The following AGBL4 variants were observed in gnomAD, a reference collection of about 807,000 sequenced individuals.
AGBL4 encodes the protein AGBL carboxypeptidase 4, also known as cytosolic carboxypeptidase 6.
In AGBL4, 58 loss-of-function variants were observed where a neutral mutation model predicts 66.4. The observed-to-expected ratio is 0.87, with a 90% CI of 0.71 to 1.09. The LOEUF is 1.09. AGBL4 is among the 50% of genes least tolerant of loss of function. The pLI is 0.00. For missense variants in AGBL4, 579 were observed against 631.0 expected, an observed-to-expected ratio of 0.92 and a Z score of 0.88; for synonymous variants, 234 against 222.9, an observed-to-expected ratio of 1.05 and a Z score of -0.44.
chr1:49,652,761 A>G (rs1320558891), intron 3 of AGBL4, among the ~76,000 whole-genome samples: 1 of 152,174 alleles, frequency 6.6e-6, no homozygotes, highest in Non-Finnish European at 1.5e-5. Context: ...CTAACCAGGA[A>G]GAACCCCTCT....
intron 5 of AGBL4, among the ~76,000 whole-genome samples, chr1:48,963,588 G>A (rs942861870): frequency 4.0e-5 from 6 of 151,596 alleles, no homozygotes; most frequent in African/African-American, 1.2e-4. Flanking sequence ...TGATGTTCCT[G>A]GGGAACTCCC....
intron 9 of AGBL4, among the ~76,000 whole-genome samples, chr1:48,629,447 C>T (rs967345664): frequency 1.3e-5 from 2 of 152,170 alleles, no homozygotes; most frequent in African/African-American, 2.4e-5. Flanking sequence ...ACCTGGATTA[C>T]AGAACAGTTA....
At chr1:48,805,554 C>A (rs1443408379) in intron 6 of AGBL4, among the ~76,000 whole-genome samples, 12 of 152,104 alleles carry the variant, frequency 7.9e-5, no homozygotes, top group Non-Finnish European at 1.0e-4. Flanking sequence ...CTGAAGGTGG[C>A]ATGAAAGGTG....
At chr1:49,858,416 T>C (rs1646485929) in intron 1 of AGBL4, among the ~76,000 whole-genome samples, 1 of 152,126 alleles carries the variant, frequency 6.6e-6, no homozygotes, top group Non-Finnish European at 1.5e-5. Flanking sequence ...ATCAATGATA[T>C]ATTTATATAT....
chr1:49,309,594 T>C (rs966083800), intron 3 of AGBL4, among the ~76,000 whole-genome samples: 10 of 152,090 alleles, frequency 6.6e-5, no homozygotes, highest in African/African-American at 2.4e-4. Flanking sequence ...CATGTTTTAA[T>C]GGTCCTATTA....
intron 2 of AGBL4, among the ~76,000 whole-genome samples, chr1:49,748,785 G>T (rs191143176): frequency 2.0e-4 from 30 of 152,118 alleles, no homozygotes; most frequent in Admixed American, 1.8e-3. Context: ...TCACATGTTT[G>T]TTGGCTGCAT....
intron 1 of AGBL4, among the ~76,000 whole-genome samples, chr1:49,951,284 C>G (rs777176580): frequency 6.6e-6 from 1 of 151,794 alleles, no homozygotes; most frequent in Non-Finnish European, 1.5e-5. Flanking sequence ...TTGTCAGAAT[C>G]AACATGGAGT....
chr1:49,485,243 A>G (rs1047144837), intron 3 of AGBL4, among the ~76,000 whole-genome samples: 1 of 151,894 alleles, frequency 6.6e-6, no homozygotes, highest in African/African-American at 2.4e-5. Context: ...TTAAGAAAAT[A>G]TGGCATATAT....
chr1:48,898,107 A>G (rs1651715424), intron 5 of AGBL4, among the ~76,000 whole-genome samples: 1 of 151,766 alleles, frequency 6.6e-6, no homozygotes, highest in African/African-American at 2.4e-5. Context: ...CACCCCACCC[A>G]GACTGCCCAC....
At position 48,635,776 on chromosome 1, in the gene AGBL4, A is replaced by G. The variant is rs1037684298; in HGVS notation, c.840-1172T>C. On this transcript the variant is annotated intron_variant, in intron 8 of 13. Coordinates refer to ENST00000371839, the MANE Select transcript of AGBL4 (RefSeq NM_032785.4). ...ATGTCCTCTCTGGTCCAAGATTTCC[A>G]TAAGAGCAGTGATGCCTAGATACCA... Among the ~76,000 whole-genome samples, 7 of 152,318 alleles carry G rather than the reference A, an allele frequency of 4.6e-5. No individual in the cohort carries two copies. The East Asian group carries it at 1.4e-3, about 29-fold the overall frequency.
intron 6 of AGBL4, among the ~76,000 whole-genome samples, chr1:48,812,962 G>A (rs554303036): frequency 6.6e-6 from 1 of 152,144 alleles, no homozygotes; most frequent in African/African-American, 2.4e-5. Flanking sequence ...GACTGTTGTG[G>A]GGTGGGGGGA....
At chr1:49,662,890 T>C (rs903475154) in intron 3 of AGBL4, among the ~76,000 whole-genome samples, 6 of 152,084 alleles carry the variant, frequency 3.9e-5, no homozygotes, top group Admixed American at 6.6e-5. Context: ...AAAAGAACCG[T>C]GCACATCAGC....
At chr1:48,920,846 T>C (rs994881054) in intron 5 of AGBL4, among the ~76,000 whole-genome samples, 4 of 152,046 alleles carry the variant, frequency 2.6e-5, no homozygotes, top group Admixed American at 6.6e-5. Flanking sequence ...CTGACTGTGG[T>C]AGTGGCAACA....
chr1:48,785,989 A>G (rs1645398666), intron 6 of AGBL4, among the ~76,000 whole-genome samples: 1 of 151,780 alleles, frequency 6.6e-6, no homozygotes, highest in African/African-American at 2.4e-5. Context: ...ACAAGTCCTC[A>G]TAGGGCCAGA....
chr1:48,877,322 G>T (rs1479157802), intron 5 of AGBL4, among the ~76,000 whole-genome samples: 4 of 152,030 alleles, frequency 2.6e-5, no homozygotes, highest in Non-Finnish European at 5.9e-5. Flanking sequence ...TTTAACTGAA[G>T]ATTTACCAAG....
chr1:49,698,638 G>A (rs1362603924), intron 2 of AGBL4, among the ~76,000 whole-genome samples: 2 of 151,916 alleles, frequency 1.3e-5, no homozygotes, highest in Admixed American at 1.3e-4. Flanking sequence ...AGAGCTGGTA[G>A]GAATAATAAA....
intron 1 of AGBL4, among the ~76,000 whole-genome samples, chr1:49,929,964 C>G (rs942139277): frequency 1.3e-5 from 2 of 151,762 alleles, no homozygotes; most frequent in African/African-American, 4.8e-5. Context: ...AGAAATCCAT[C>G]ACTAAAATAA....
intron 4 of AGBL4, among the ~76,000 whole-genome samples, chr1:49,154,312 T>C (rs894111430): frequency 6.6e-6 from 1 of 151,438 alleles, no homozygotes; most frequent in African/African-American, 2.5e-5. Flanking sequence ...TACAGAGTCA[T>C]TAAGAGGAAA....
At chr1:49,642,991 T>C (rs1029143690) in intron 3 of AGBL4, among the ~76,000 whole-genome samples, 4 of 151,914 alleles carry the variant, frequency 2.6e-5, no homozygotes, top group African/African-American at 7.2e-5. Context: ...CTGAACAAAA[T>C]TGACTTAGAA....
Sources: gnomAD v4.1 joint callset for allele counts (sites outside exome capture counted in the v4.1 genomes callset) on GRCh38, gnomAD v4.1.1 for gene constraint, MANE v1.5 for transcripts, NCBI Gene and HGNC (gene_info 2026-07-23, HGNC 2026-07-21) for gene names.